Variants in VASH1 observed in about 807,000 individuals in gnomAD.
VASH1 encodes vasohibin 1, also known as tubulinyl-Tyr carboxypeptidase 1.
In VASH1, 16 loss-of-function variants were observed where a neutral mutation model predicts 35.0. The ratio of observed to expected loss-of-function variants is 0.46; its 90% CI spans 0.31 to 0.70. The LOEUF is 0.70. Among genes scored for constraint, VASH1 ranks in the 30% least tolerant of loss-of-function variants. The pLI is 0.05. For missense variants in VASH1, 505 were observed against 510.7 expected, an observed-to-expected ratio of 0.99 and a Z score of 0.11; for synonymous variants, 214 against 200.9, an observed-to-expected ratio of 1.07 and a Z score of -0.55.
At position 76,779,260 on chromosome 14, in the gene VASH1, A is replaced by G; in HGVS notation, c.*242A>G. Reference sequence around the variant, plus strand: ...TTTTTAACTCTACAACTGAAGTTTAAGGTATTTGGGGAAAACTTAGTCCAA... The same window carrying G: ...TTTTTAACTCTACAACTGAAGTTTAGGGTATTTGGGGAAAACTTAGTCCAA... On this transcript the variant is annotated 3_prime_UTR_variant, in exon 7 of 7. Coordinates refer to ENST00000167106, the MANE Select transcript of VASH1 (RefSeq NM_014909.5). 1 of 700,454 alleles carries G rather than the reference A, an allele frequency of 1.4e-6. No individual in the cohort carries two copies. Among genetic ancestry groups the G allele is most frequent in the Non-Finnish European group, 2.6e-6 (1 of 384,734 alleles). The allele number at this position is 700,454 out of a possible 1,614,324, so 43.4% of individuals were successfully genotyped here.
At position 76,778,665 on chromosome 14, in the gene VASH1, TCAGA is replaced by T. The variant is rs527355849; in HGVS notation, c.1026-276_1026-273del. ...GGCTTTTGTAGATGACAGATTCCCCTCAGACAGATTTATACTTTAAGCTGTTACC... is the reference window on the plus strand; with the variant it reads ...GGCTTTTGTAGATGACAGATTCCCCTCAGATTTATACTTTAAGCTGTTACC... On this transcript the variant is annotated intron_variant, in intron 6 of 6. Coordinates refer to ENST00000167106, the MANE Select transcript of VASH1 (RefSeq NM_014909.5). Among the ~76,000 whole-genome samples the T allele has an allele frequency of 1.1e-4, 16 of 152,314 alleles. No homozygotes were observed. In the South Asian group the frequency reaches 2.5e-3, roughly 24 times the overall value.
Position 76,779,181 on chromosome 14 carries a change from C to A in VASH1, c.*163C>A. On this transcript the variant is annotated 3_prime_UTR_variant, in exon 7 of 7. Transcript: ENST00000167106. ...GCCCCCCAAGCTGCTCTCGCTCCCACTGAGCCAAGCCCCCTAACTTTGGGC... is the reference window on the plus strand; with the variant it reads ...GCCCCCCAAGCTGCTCTCGCTCCCAATGAGCCAAGCCCCCTAACTTTGGGC... The A allele has an allele frequency of 1.3e-6, 1 of 775,624 alleles. No individual in the cohort carries two copies. The highest frequency in any genetic ancestry group is 2.2e-6 in the Non-Finnish European group (1 of 457,916). 48.0% of individuals were successfully genotyped at this position (775,624 alleles called of 1,614,324 possible).
At position 76,762,966 on chromosome 14, in the gene VASH1, G is replaced by A. The variant is rs1266921954; in HGVS notation, c.145G>A (p.Gly49Arg). The A allele has an allele frequency of 6.4e-7, 1 of 1,558,128 alleles. No individual in the cohort carries two copies. Among genetic ancestry groups the A allele is most frequent in the Non-Finnish European group, 8.7e-7 (1 of 1,151,154 alleles). ...AQRDEEPEEE[G>R]EEDLRDGGVP... is the part of the protein sequence containing the mutation. ...GAGAGATGAGGAGCCAGAAGAGGAA[G>A]GGGAAGAGGACCTGCGAGACGGAGG... Residue 49 changes from glycine to arginine, a missense_variant, in exon 1 of 7, where the codon GGG becomes AGG. Coordinates refer to ENST00000167106, the MANE Select transcript of VASH1 (RefSeq NM_014909.5).
chr14:76,777,863 C>A, intron 5 of VASH1, 96 bp from the exon 6 acceptor site: 3 of 945,758 alleles, frequency 3.2e-6, no homozygotes, highest in Non-Finnish European at 4.4e-6. Context: ...CGGGCCTTCC[C>A]CAGGGCAGCC....
At chr14:76,764,338 C>T (rs968754599) in intron 1 of VASH1, among the ~76,000 whole-genome samples, 3 of 152,210 alleles carry the variant, frequency 2.0e-5, no homozygotes, top group African/African-American at 7.2e-5. Context: ...CATAAATGTG[C>T]TCTGCACTGA....
chr14:76,776,281 C>G lies in VASH1; in HGVS notation c.912+8C>G. The G allele has an allele frequency of 2.6e-6, 4 of 1,565,388 alleles. No individual in the cohort carries two copies. Among genetic ancestry groups the G allele is most frequent in the Non-Finnish European group, 3.4e-6 (4 of 1,160,624 alleles). ...CGCGACATGCGGCTCAAGGTCTGCC[C>G]GCCTTCCACGCCCTCGCCCCCTCCC... On this transcript the variant is annotated splice_region_variant and intron_variant, in intron 5 of 6. Coordinates refer to ENST00000167106, the MANE Select transcript of VASH1 (RefSeq NM_014909.5).
At chr14:76,773,262 CT>C in intron 4 of VASH1, 51 bp downstream of exon 4, 1 of 1,582,228 alleles carries the variant, frequency 6.3e-7, no homozygotes, top group Non-Finnish European at 8.7e-7. Flanking sequence ...TGGGCCTCAG[CT>C]TCCTGCTCTG....
chr14:76,769,810 G>A, intron 1 of VASH1, 153 bp from the exon 2 acceptor site: 1 of 779,926 alleles, frequency 1.3e-6, no homozygotes. Flanking sequence ...CTTCGAATGA[G>A]TGGGGTGCCA....
At chr14:76,777,000 A>T (rs1281163825) in intron 5 of VASH1, among the ~76,000 whole-genome samples, 1 of 152,144 alleles carries the variant, frequency 6.6e-6, no homozygotes, top group African/African-American at 2.4e-5. Context: ...GGTAGGTGGT[A>T]GCTCCATTTT....
rs554460179 is a variant in VASH1, at chr14:76,778,032, A to G, written c.986A>G (p.Gln329Arg). The change falls in exon 6 of 7, where the codon CAG (glutamine) becomes CGG (arginine). Residue 329 changes from glutamine to arginine, a missense_variant. Physicochemically the swap from Gln to Arg is conservative, Grantham distance 43. Transcript: ENST00000167106. ...GATGTTTCTTCCCCGCAGCGGGCCC[A>G]GTCCAGCCCCCACCGCAGGAACAGC... Reference protein sequence around the residue: ...KKDVSSPQRAQSSPHRRNSRS... With the variant: ...KKDVSSPQRARSSPHRRNSRS... 33 of 1,530,082 alleles carry G rather than the reference A, an allele frequency of 2.2e-5. No individual in the cohort carries two copies. The highest frequency in any genetic ancestry group is 1.0e-4 in the Admixed American group (5 of 48,012). The allele number at this position is 1,530,082 out of a possible 1,614,324, so 94.8% of individuals were successfully genotyped here.
At chr14:76,776,515 G>A (rs1041477880) in intron 5 of VASH1, among the ~76,000 whole-genome samples, 4 of 152,168 alleles carry the variant, frequency 2.6e-5, no homozygotes, top group African/African-American at 7.2e-5. Context: ...CAAGGTCACT[G>A]GTGGAGAATC....
chr14:76,761,713 T>G lies in VASH1; in HGVS notation c.-1109T>G, dbSNP rs1893509721. The stretch of plus-strand genomic sequence containing the variant: ...TCCGCCGGCCGAGGCTGCGCGAGCC[T>G]CCGGGCTTGCGGTCCCCGCCCCGCG... On this transcript the variant is annotated 5_prime_UTR_variant, in exon 1 of 7. Transcript: ENST00000167106. Among the ~76,000 whole-genome samples the G allele has an allele frequency of 6.6e-6, 1 of 151,850 alleles. No homozygotes were observed.
At chr14:76,773,611 C>A in intron 4 of VASH1, 1 of 302,066 alleles carries the variant, frequency 3.3e-6, no homozygotes, top group Non-Finnish European at 6.0e-6. Context: ...GATTTCTGGA[C>A]GAGATATTAA....
chr14:76,769,944 GCT>G lies in VASH1; in HGVS notation c.310-16_310-15del. 6.2e-7 allele frequency: 1 copy of G among 1,612,590 alleles called. No individual in the cohort carries two copies. The highest frequency in any genetic ancestry group is 8.5e-7 in the Non-Finnish European group (1 of 1,178,712). ...AGGTGAGCCTCTTCTTGTGACCGGA[GCT>G]CTTTCTCTGTCCCCAGATCCCCATA... On this transcript the variant is annotated splice_polypyrimidine_tract_variant and intron_variant, in intron 1 of 6. Transcript: ENST00000167106.
At chr14:76,778,446 G>T (rs1163236614) in intron 6 of VASH1, among the ~76,000 whole-genome samples, 1 of 152,194 alleles carries the variant, frequency 6.6e-6, no homozygotes, top group Non-Finnish European at 1.5e-5. Context: ...GTTTTTGTCT[G>T]TATCCAGGTA....
chr14:76,768,139 T>C (rs1251790015), intron 1 of VASH1, among the ~76,000 whole-genome samples: 2 of 152,230 alleles, frequency 1.3e-5, no homozygotes, highest in Non-Finnish European at 2.9e-5. Context: ...GGATGTGCCA[T>C]GCTATTTAAA....
intron 6 of VASH1, among the ~76,000 whole-genome samples, chr14:76,778,647 G>A (rs1894012920): frequency 6.6e-6 from 1 of 152,184 alleles, no homozygotes; most frequent in South Asian, 2.1e-4. Context: ...AGAGGCTTTT[G>A]TAGATGACAG....
At chr14:76,777,462 G>A (rs1305436198) in intron 5 of VASH1, among the ~76,000 whole-genome samples, 1 of 152,204 alleles carries the variant, frequency 6.6e-6, no homozygotes, top group Non-Finnish European at 1.5e-5. Context: ...CCCCTCTCCA[G>A]CACTCCTGCG....
rs753540270 is a variant in VASH1 at position 76,762,285 on chromosome 14, C to T, written c.-537C>T. ...GCTCTCCCGCCCGGGGGTCTTGGTT[C>T]CGAGCTCGCGCGGCCGGGAGTCGCC... On this transcript the variant is annotated 5_prime_UTR_variant, in exon 1 of 7. Coordinates refer to ENST00000167106, the MANE Select transcript of VASH1 (RefSeq NM_014909.5). The T allele has an allele frequency of 2.2e-4, 33 of 152,412 alleles. No homozygotes were observed. The highest frequency in any genetic ancestry group is 7.7e-4 in the African/African-American group (32 of 41,582). 9.4% of individuals were successfully genotyped at this position (152,412 alleles called of 1,614,324 possible).
Sources: gnomAD v4.1 joint callset for allele counts (sites outside exome capture counted in the v4.1 genomes callset) on GRCh38, gnomAD v4.1.1 for gene constraint, MANE v1.5 for transcripts, NCBI Gene and HGNC (gene_info 2026-07-23, HGNC 2026-07-21) for gene names.